Variants in KCNN1 observed in about 807,000 individuals in gnomAD.
KCNN1 encodes potassium calcium-activated channel subfamily N member 1.
Under a neutral mutation model 44.7 loss-of-function variants are expected in KCNN1, and 20 were observed. The ratio of observed to expected loss-of-function variants is 0.45; its 90% CI spans 0.32 to 0.65. The LOEUF (loss-of-function observed/expected upper bound fraction) is 0.65. Among genes scored for constraint, KCNN1 ranks in the 30% least tolerant of loss-of-function variants. The pLI is 0.05. For missense variants in KCNN1, 632 were observed against 785.3 expected, an observed-to-expected ratio of 0.80 and a Z score of 2.33; for synonymous variants, 324 against 341.7, an observed-to-expected ratio of 0.95 and a Z score of 0.57.
rs1049290592 is a variant in KCNN1, at chr19:17,988,925, AG to A, written c.1170+402del. On this transcript the variant is annotated intron_variant, in intron 6 of 9. Transcript: ENST00000684775. ...GACTCCGTTTAAAAAAAAAAAAAAA[AG>A]GACTGTGCTTGGCTCTGCCACCACG... is the stretch of plus-strand genomic sequence containing the variant. Among the ~76,000 whole-genome samples the A allele has an allele frequency of 1.7e-4, 25 of 151,210 alleles. No individual in the cohort carries two copies. The South Asian group carries it at 4.6e-3, about 28-fold the overall frequency.
intron 1 of KCNN1, among the ~76,000 whole-genome samples, chr19:17,970,155 C>A (rs999110112): frequency 7.1e-6 from 1 of 140,268 alleles, no homozygotes; most frequent in Admixed American, 7.0e-5. Flanking sequence ...GCTGGGCCTG[C>A]GGGAGGTCAG....
chr19:17,975,264 C>G, intron 3 of KCNN1, 77 bp downstream of exon 3: 1 of 1,017,548 alleles, frequency 9.8e-7, no homozygotes, highest in Non-Finnish European at 1.5e-6. Flanking sequence ...CCTTAGACCC[C>G]ATCCCCTCAA....
Position 17,998,280 on chromosome 19 carries a change from C to G in KCNN1, c.1506C>G (p.Leu502=). 1 of 1,554,826 alleles carries G rather than the reference C, an allele frequency of 6.4e-7. No homozygotes were observed. Among genetic ancestry groups the G allele is most frequent in the Non-Finnish European group, 8.7e-7 (1 of 1,154,352 alleles). ...CCTCTCTACAGGCCCTGCCTGGCCTCATCGCCCAAGCCATACGCCCACCCC... is the reference window on the plus strand; with the variant it reads ...CCTCTCTACAGGCCCTGCCTGGCCTGATCGCCCAAGCCATACGCCCACCCC... ...LGASLQALPG[L]IAQAIRPPPP... Residue 502 remains leucine, a synonymous_variant, in exon 10 of 10, where the codon CTC becomes CTG. Transcript: ENST00000684775. This position sits in a 1 kb window ranked among gnomAD's most constrained non-coding sequence, Gnocchi z 5.4.
At chr19:17,980,859 T>C (rs909083373) in intron 3 of KCNN1, among the ~76,000 whole-genome samples, 2 of 151,890 alleles carry the variant, frequency 1.3e-5, no homozygotes, top group Non-Finnish European at 1.5e-5. Flanking sequence ...TGAGCTGTGA[T>C]TGCACCACTG....
At chr19:17,959,225 C>T (rs1223772549) in intron 2 of KCNN1, among the ~76,000 whole-genome samples, 1 of 151,610 alleles carries the variant, frequency 6.6e-6, no homozygotes, top group Admixed American at 6.6e-5. Context: ...GGGGTTTCAC[C>T]ATGTTGGCCA....
At chr19:17,991,029 G>A (rs2032776176) in intron 7 of KCNN1, among the ~76,000 whole-genome samples, 1 of 151,686 alleles carries the variant, frequency 6.6e-6, no homozygotes, top group Non-Finnish European at 1.5e-5. Context: ...TCAAATGACT[G>A]CTTGGTTGGG....
intron 3 of KCNN1, among the ~76,000 whole-genome samples, chr19:17,981,382 T>C (rs919139846): frequency 6.6e-6 from 1 of 151,276 alleles, no homozygotes; most frequent in East Asian, 1.9e-4. Flanking sequence ...TGAAACCCCA[T>C]CTCTACTAAA....
chr19:17,986,149 A>T (rs1406008795), intron 5 of KCNN1, among the ~76,000 whole-genome samples: 2 of 151,960 alleles, frequency 1.3e-5, no homozygotes, highest in Admixed American at 1.3e-4. Context: ...GTGGATCACG[A>T]GGTCAGGAGT....
At chr19:17,985,474 G>A in intron 5 of KCNN1, 21 bp downstream of exon 5, 2 of 1,548,762 alleles carry the variant, frequency 1.3e-6, no homozygotes, top group Non-Finnish European at 1.8e-6. Flanking sequence ...GGGTCCATGT[G>A]TATGATCCTG....
chr19:17,960,019 G>GC (rs1196205472), intron 2 of KCNN1, among the ~76,000 whole-genome samples: 1 of 151,926 alleles, frequency 6.6e-6, no homozygotes, highest in Non-Finnish European at 1.5e-5. Flanking sequence ...GGAGGTGGAG[G>GC]TTGCAGTAAG....
At chr19:17,997,659 T>A (rs1249804727) in intron 9 of KCNN1, among the ~76,000 whole-genome samples, 2 of 152,166 alleles carry the variant, frequency 1.3e-5, no homozygotes, top group East Asian at 3.9e-4. Context: ...TTTGTATTTT[T>A]AGTGGAGACA....
At chr19:17,968,956 G>T (rs1312930994) in intron 1 of KCNN1, among the ~76,000 whole-genome samples, 1 of 152,160 alleles carries the variant, frequency 6.6e-6, no homozygotes, top group Admixed American at 6.5e-5. Flanking sequence ...CTCTTGAATA[G>T]CTGGAACTAG....
intron 4 of KCNN1, 56 bp downstream of exon 4, chr19:17,982,183 TC>T: frequency 8.1e-7 from 1 of 1,239,874 alleles, no homozygotes; most frequent in Non-Finnish European, 1.0e-6. Context: ...TCCCTGGACC[TC>T]CATGCCCATT....
chr19:17,962,069 TC>T (rs1278299406), intron 2 of KCNN1, among the ~76,000 whole-genome samples: 9 of 151,826 alleles, frequency 5.9e-5, no homozygotes, highest in Non-Finnish European at 1.2e-4. Flanking sequence ...ATTTATGGGA[TC>T]GGTTGGACCC....
chr19:17,974,036 G>A lies in KCNN1; in HGVS notation c.148G>A (p.Glu50Lys), dbSNP rs775180916. The A allele has an allele frequency of 1.8e-5, 29 of 1,607,818 alleles. No individual in the cohort carries two copies. The highest frequency in any genetic ancestry group is 2.3e-5 in the Non-Finnish European group (27 of 1,178,260). ...PGLQVVVAKS[E>K]PARPSPGSPR... ...CCTCCAGGTGGTAGTGGCCAAGAGT[G>A]AGCCAGCCCGGCCCTCACCCGGCAG... Residue 50 changes from glutamate to lysine, a missense_variant, in exon 2 of 10, where the codon GAG becomes AAG. Glu to Lys is a moderately conservative substitution (Grantham distance 56). Around this residue, in one of 3 missense-constraint regions of KCNN1, gnomAD observed 235 missense variants for 224.0 expected, o/e 1.05. Coordinates refer to ENST00000684775, the MANE Select transcript of KCNN1 (RefSeq NM_001386974.1). The surrounding 1 kb of genome is among the most constrained non-coding windows in gnomAD (Gnocchi z 7.3).
upstream of KCNN1, among the ~76,000 whole-genome samples, chr19:17,966,023 G>GCCTTCCTTCCTTCCTT (rs762937340): frequency 7.5e-5 from 9 of 119,706 alleles, no homozygotes; most frequent in South Asian, 6.0e-4. Context: ...CTGCCTGCCT[G>GCCTTCCTTCCTTCCTT]CCTTCCTTCC....
chr19:17,998,094 C>G lies in KCNN1; in HGVS notation c.1378-58C>G. 1.3e-6 allele frequency: 2 copies of G among 1,489,004 alleles called. No homozygotes were observed. The highest frequency in any genetic ancestry group is 2.8e-5 in the African/African-American group (2 of 71,876). The allele number at this position is 1,489,004 out of a possible 1,614,324, so 92.2% of individuals were successfully genotyped here. On this transcript the variant is annotated intron_variant, in intron 9 of 9. Transcript: ENST00000684775. The surrounding 1 kb of genome is among the most constrained non-coding windows in gnomAD (Gnocchi z 5.4). ...CTCTCTGTCATTGGTGTCGTGGTAT[C>G]GTCCTTTCCTCTCTCACTCAGCGGC...
intron 1 of KCNN1, among the ~76,000 whole-genome samples, chr19:17,973,019 G>C (rs569253268): frequency 8.5e-5 from 13 of 152,346 alleles, no homozygotes; most frequent in African/African-American, 3.1e-4. Flanking sequence ...TGGTGATTGG[G>C]AGACCATTGT....
rs746582521 is a variant in KCNN1 at position 17,998,293 on chromosome 19, A to G, written c.1519A>G (p.Ile507Val). 10 of 1,548,848 alleles carry G rather than the reference A, an allele frequency of 6.5e-6. No individual in the cohort carries two copies. The South Asian group carries it at 9.4e-5, about 15-fold the overall frequency. Residue 507 changes from isoleucine (I) to valine (V), a missense_variant, in exon 10 of 10, where the codon ATA (isoleucine) becomes GTA (valine). Around this residue, in one of 3 missense-constraint regions of KCNN1, gnomAD observed 237 missense variants for 253.0 expected, o/e 0.94. Coordinates refer to ENST00000684775, the MANE Select transcript of KCNN1 (RefSeq NM_001386974.1). This position sits in a 1 kb window ranked among gnomAD's most constrained non-coding sequence, Gnocchi z 5.4. ...QALPGLIAQA[I>V]RPPPPPLPPR... Reference sequence around the variant, plus strand: ...CCTGCCTGGCCTCATCGCCCAAGCCATACGCCCACCCCCGCCTCCCCTGCC... The same window carrying G: ...CCTGCCTGGCCTCATCGCCCAAGCCGTACGCCCACCCCCGCCTCCCCTGCC...
Sources: gnomAD v4.1 joint callset for allele counts (sites outside exome capture counted in the v4.1 genomes callset) on GRCh38, gnomAD v4.1.1 for gene constraint, gnomAD v4.1.1 regional missense constraint, Gnocchi (gnomAD v3.1) non-coding constraint, MANE v1.5 for transcripts, NCBI Gene and HGNC (gene_info 2026-07-23, HGNC 2026-07-21) for gene names.